MYLK: variants seen among roughly 807,000 people sequenced by gnomAD.
The protein encoded by MYLK is myosin light chain kinase, also known as myosin light chain kinase, smooth muscle.
In MYLK, 106 loss-of-function variants were observed where a neutral mutation model predicts 203.4. The observed-to-expected ratio is 0.52, with a 90% CI of 0.45 to 0.61. The LOEUF (loss-of-function observed/expected upper bound fraction) is 0.61. Ranked by LOEUF, MYLK falls within the 20% of genes least tolerant of loss-of-function variation. The probability of loss-of-function intolerance (pLI) is 0.00; values close to 1 mark genes in which losing one functional copy is unlikely to be tolerated. For missense variants in MYLK, 2,072 were observed against 2,442.3 expected, an observed-to-expected ratio of 0.85 and a Z score of 3.20; for synonymous variants, 867 against 959.5, an observed-to-expected ratio of 0.90 and a Z score of 1.78.
chr3:123,705,584 G>A (rs1296418910), intron 16 of MYLK, among the ~76,000 whole-genome samples: 1 of 152,162 alleles, frequency 6.6e-6, no homozygotes, highest in East Asian at 1.9e-4. Flanking sequence ...CGATGAGGCT[G>A]GATAACTTCT....
At chr3:123,796,334 CA>C (rs756442588) in intron 3 of MYLK, among the ~76,000 whole-genome samples, 21 of 152,112 alleles carry the variant, frequency 1.4e-4, no homozygotes, top group Non-Finnish European at 2.1e-4. Flanking sequence ...GGGGGCAGAA[CA>C]GGCATTTGAA....
chr3:123,735,501 C>G (rs371214862), intron 8 of MYLK, 85 bp from the exon 9 acceptor site: 1 of 1,501,408 alleles, frequency 6.7e-7, no homozygotes, highest in African/African-American at 1.4e-5. Context: ...TCCTCATCAC[C>G]GTGGTCCCAC....
intron 4 of MYLK, among the ~76,000 whole-genome samples, chr3:123,770,816 G>A (rs796158135): frequency 9.2e-5 from 14 of 152,296 alleles, no homozygotes; most frequent in African/African-American, 3.4e-4. Flanking sequence ...ACAGACCAAG[G>A]ATAAATCGGT....
intron 13 of MYLK, among the ~76,000 whole-genome samples, chr3:123,716,749 G>C (rs2061908486): frequency 6.6e-6 from 1 of 152,192 alleles, no homozygotes; most frequent in African/African-American, 2.4e-5. Context: ...TAGCATTCTT[G>C]ATCTGGGTCT....
chr3:123,664,701 A>G (rs539557954), intron 22 of MYLK, among the ~76,000 whole-genome samples: 1 of 152,362 alleles, frequency 6.6e-6, no homozygotes, highest in South Asian at 2.1e-4. Context: ...GTTAAGTGGA[A>G]ACAACCCAGA....
At chr3:123,644,346 A>G (rs1382433341) in intron 27 of MYLK, among the ~76,000 whole-genome samples, 1 of 151,602 alleles carries the variant, frequency 6.6e-6, no homozygotes, top group East Asian at 1.9e-4. Flanking sequence ...CCAAGTTCCT[A>G]CTCTTGGCGA....
chr3:123,640,522 C>T lies in MYLK; in HGVS notation c.4620-18G>A, dbSNP rs41305835. On this transcript the variant is annotated intron_variant, in intron 27 of 33. Coordinates refer to ENST00000360304, the MANE Select transcript of MYLK (RefSeq NM_053025.4). The surrounding 1 kb of genome is among the most constrained non-coding windows in gnomAD (Gnocchi z 4.3). Reference sequence around the variant, plus strand: ...CTGACACGCTGCGGGAACACGTGCACGGGGTGGTCAGGCCACAGGCTCATG... The same window carrying T: ...CTGACACGCTGCGGGAACACGTGCATGGGGTGGTCAGGCCACAGGCTCATG... The T allele has an allele frequency of 3.1e-3, 4,980 of 1,613,262 alleles. 19 individuals are homozygous for T. Among genetic ancestry groups the T allele is most frequent in the South Asian group, 6.0e-3 (550 of 91,060 alleles).
chr3:123,865,921 A>G (rs2682221), intron 2 of MYLK, among the ~76,000 whole-genome samples: 130,151 of 152,156 alleles, frequency 0.86, 56,054 homozygotes, highest in East Asian at 0.96. Context: ...CTTGCTCCAG[A>G]AACCCAGCCA....
In MYLK at chr3:123,772,048, C is replaced by T. The variant is rs182346797; in HGVS notation, c.166-19510G>A. On this transcript the variant is annotated intron_variant, in intron 4 of 33. Coordinates refer to ENST00000360304, the MANE Select transcript of MYLK (RefSeq NM_053025.4). ...TTAAAACTGTTTCCATATCTAGTAG[C>T]TATTACGATTAGGAAAGGTATGCAC... 1.5e-3 allele frequency among the ~76,000 whole-genome samples: 228 copies of T among 152,104 alleles called. 1 individual carries two copies. The highest frequency in any genetic ancestry group is 5.2e-3 in the African/African-American group (217 of 41,502).
Position 123,845,195 on chromosome 3 carries a change from C to T in MYLK, c.-126-13525G>A, listed in dbSNP as rs146180376. On this transcript the variant is annotated intron_variant, in intron 2 of 33. Coordinates refer to ENST00000360304, the MANE Select transcript of MYLK (RefSeq NM_053025.4). ...GGACTGACCTCCCTGTGGAAAGGGG[C>T]TGCACAGGGCACTCTGTTAGGGTCC... 4.6e-5 allele frequency among the ~76,000 whole-genome samples: 7 copies of T among 152,238 alleles called. No homozygotes were observed. In the East Asian group the frequency reaches 1.4e-3, roughly 29 times the overall value.
At chr3:123,824,721 T>C (rs1340302573) in intron 3 of MYLK, among the ~76,000 whole-genome samples, 1 of 152,170 alleles carries the variant, frequency 6.6e-6, no homozygotes, top group Non-Finnish European at 1.5e-5. Context: ...TAGAGCTCTC[T>C]AAAATACATG....
At chr3:123,675,529 G>A (rs538975345) in intron 20 of MYLK, among the ~76,000 whole-genome samples, 7 of 152,314 alleles carry the variant, frequency 4.6e-5, no homozygotes, top group South Asian at 2.1e-4. Context: ...TGGGTCTCAC[G>A]GAGTCAAAAG....
chr3:123,733,026 C>G lies in MYLK; in HGVS notation c.1386G>C (p.Glu462Asp). 1 of 1,614,180 alleles carries G rather than the reference C, an allele frequency of 6.2e-7. No individual in the cohort carries two copies. The highest frequency in any genetic ancestry group is 8.5e-7 in the Non-Finnish European group (1 of 1,180,028). Residue 462 changes from glutamate (E) to aspartate (D), a missense_variant, in exon 11 of 34, where the codon GAG (glutamate) becomes GAC (aspartate). Transcript: ENST00000360304. ...TPVRRQEGSI[E>D]VYEDAGSHYL... The stretch of plus-strand genomic sequence containing the variant: ...AATGGGAGCCAGCATCTTCATAAAC[C>G]TCAATGCTGCCTTCCTGTCTCCTCA...
chr3:123,797,361 T>G (rs1436501856), intron 3 of MYLK, among the ~76,000 whole-genome samples: 1 of 152,124 alleles, frequency 6.6e-6, no homozygotes, highest in Non-Finnish European at 1.5e-5. Context: ...TTACTAAATA[T>G]CTACCATGGG....
intron 4 of MYLK, among the ~76,000 whole-genome samples, chr3:123,763,294 T>C (rs533435344): frequency 7.9e-5 from 12 of 152,316 alleles, no homozygotes; most frequent in Non-Finnish European, 1.5e-4. Flanking sequence ...CCTTTAGAGA[T>C]AACCCTCCCG....
chr3:123,619,388 A>G (rs568002091), intron 32 of MYLK, among the ~76,000 whole-genome samples: 2 of 152,328 alleles, frequency 1.3e-5, no homozygotes, highest in Admixed American at 6.5e-5. Flanking sequence ...AGGAGGGACC[A>G]GGCCTGTGTG....
At chr3:123,808,708 G>A (rs913710689) in intron 3 of MYLK, among the ~76,000 whole-genome samples, 8 of 152,134 alleles carry the variant, frequency 5.3e-5, no homozygotes, top group Admixed American at 3.3e-4. Context: ...ACCACATATC[G>A]ATTGTCACTA....
rs1560098600 is a variant in MYLK at position 123,701,448 on chromosome 3, C to T, written c.2452G>A (p.Ala818Thr). Residue 818 changes from alanine to threonine, a missense_variant, in exon 17 of 34, where the codon GCC becomes ACC. By Grantham distance (58) the Ala-to-Thr change is moderately conservative. Coordinates refer to ENST00000360304, the MANE Select transcript of MYLK (RefSeq NM_053025.4). ...CCTGGGGGCACTCACCGTGGAAGGG[C>T]TCTGGCAGAGCTGTTCTGTAGCATC... ...SLMLQNSSAR[A>T]LPRGREPASC... The T allele has an allele frequency of 2.5e-6, 4 of 1,614,074 alleles. No individual in the cohort carries two copies. The South Asian group carries it at 3.3e-5, about 13-fold the overall frequency.
chr3:123,870,758 C>T (rs1035712838), intron 2 of MYLK, among the ~76,000 whole-genome samples: 4 of 152,224 alleles, frequency 2.6e-5, no homozygotes, highest in Non-Finnish European at 5.9e-5. Flanking sequence ...TTATCTACAG[C>T]TCCTTCCGTG....
Sources: gnomAD v4.1 joint callset for allele counts (sites outside exome capture counted in the v4.1 genomes callset) on GRCh38, gnomAD v4.1.1 for gene constraint, Gnocchi (gnomAD v3.1) non-coding constraint, MANE v1.5 for transcripts, NCBI Gene and HGNC (gene_info 2026-07-23, HGNC 2026-07-21) for gene names.